The following LRRFIP1 variants were observed in gnomAD, a reference collection of about 807,000 sequenced individuals.
The protein encoded by LRRFIP1 is leucine-rich repeat flightless-interacting protein 1.
In LRRFIP1, 62 loss-of-function variants were observed where a neutral mutation model predicts 104.4. That is an observed-to-expected ratio of 0.59 (90% CI 0.48 to 0.73). The LOEUF (loss-of-function observed/expected upper bound fraction) is 0.73. Among genes scored for constraint, LRRFIP1 ranks in the 30% least tolerant of loss-of-function variants. LRRFIP1 has a pLI of 0.00. For synonymous variants in LRRFIP1, 300 were observed against 299.0 expected (o/e 1.00, Z -0.03); for missense variants, 796 against 824.5 (o/e 0.97, Z 0.42).
intron 1 of LRRFIP1, among the ~76,000 whole-genome samples, chr2:237,642,224 G>A (rs978506341): frequency 2.0e-5 from 3 of 152,220 alleles, no homozygotes; most frequent in Middle Eastern, 3.2e-3. Flanking sequence ...CAAGGACCGC[G>A]TGTGTGCAGT....
At chr2:237,651,015 G>A (rs966299657) in intron 1 of LRRFIP1, among the ~76,000 whole-genome samples, 1 of 152,194 alleles carries the variant, frequency 6.6e-6, no homozygotes, top group African/African-American at 2.4e-5. Context: ...GGGGAGTTCA[G>A]AGGCTTATTC....
chr2:237,650,513 C>A lies in LRRFIP1; in HGVS notation c.96+22773C>A, dbSNP rs1305006192. Among the ~76,000 whole-genome samples the A allele has an allele frequency of 2.0e-5, 3 of 148,778 alleles. No homozygotes were observed. The East Asian group carries it at 5.8e-4, about 29-fold the overall frequency. ...TGGAGGACAGCCCTGGATGGCCGGG[C>A]AGGTTACGCACTGCAGAAGCCCTGG... is the stretch of plus-strand genomic sequence containing the variant. On this transcript the variant is annotated intron_variant, in intron 1 of 23. Transcript: ENST00000308482.
At chr2:237,642,008 G>C (rs2084051567) in intron 1 of LRRFIP1, among the ~76,000 whole-genome samples, 1 of 152,154 alleles carries the variant, frequency 6.6e-6, no homozygotes, top group South Asian at 2.1e-4. Context: ...ACCCATGAGA[G>C]AATCTTTGGG....
In LRRFIP1 at chr2:237,682,522, T is replaced by C. The variant is rs117636468; in HGVS notation, c.97-26022T>C. On this transcript the variant is annotated intron_variant, in intron 1 of 23. Coordinates refer to ENST00000308482, the MANE Select transcript of LRRFIP1 (RefSeq NM_001137550.2). Reference sequence around the variant, plus strand: ...TTCTCTGTGTAGGGGTGCAGGGTTGTTTTCTCTCCCATCGGCTTACTCTTG... The same window carrying C: ...TTCTCTGTGTAGGGGTGCAGGGTTGCTTTCTCTCCCATCGGCTTACTCTTG... Among the ~76,000 whole-genome samples, 520 of 152,324 alleles carry C rather than the reference T, an allele frequency of 3.4e-3. 10 individuals are homozygous for C. In the East Asian group the frequency reaches 0.047, roughly 14 times the overall value.
At chr2:237,688,776 C>G (rs145329034) in intron 1 of LRRFIP1, among the ~76,000 whole-genome samples, 1 of 152,008 alleles carries the variant, frequency 6.6e-6, no homozygotes, top group Non-Finnish European at 1.5e-5. Flanking sequence ...CACCCTCTTC[C>G]GAGGAAACCC....
chr2:237,776,123 G>A (rs2061074406), intron 23 of LRRFIP1, among the ~76,000 whole-genome samples: 1 of 151,984 alleles, frequency 6.6e-6, no homozygotes, highest in Non-Finnish European at 1.5e-5. Flanking sequence ...ATCATGCCTG[G>A]CTAATTTTTG....
intron 1 of LRRFIP1, among the ~76,000 whole-genome samples, chr2:237,679,616 AT>A (rs887892529): frequency 4.0e-5 from 6 of 151,658 alleles, no homozygotes; most frequent in East Asian, 1.9e-4. Flanking sequence ...TACCGTAATG[AT>A]TTTTTTTTGA....
rs2093142492 is a variant in LRRFIP1, at chr2:237,695,809, AC to A, written c.97-12734del. Among the ~76,000 whole-genome samples, 2 of 152,108 alleles carry A rather than the reference AC, an allele frequency of 1.3e-5. 1 individual carries two copies. Among genetic ancestry groups the A allele is most frequent in the Admixed American group, 1.3e-4 (2 of 15,276 alleles). On this transcript the variant is annotated intron_variant, in intron 1 of 23. Transcript: ENST00000308482. The stretch of plus-strand genomic sequence containing the variant: ...GTTTTCATGGAATGGACTTACTAGA[AC>A]TTTTATTATTCAGACTACCTAGATA...
intron 1 of LRRFIP1, among the ~76,000 whole-genome samples, chr2:237,673,281 CG>C (rs1553631099): frequency 6.6e-6 from 1 of 152,198 alleles, no homozygotes; most frequent in Non-Finnish European, 1.5e-5. Flanking sequence ...TGGGACAATG[CG>C]GGGACAGCGC....
chr2:237,737,366 C>A (rs538383005), intron 10 of LRRFIP1, among the ~76,000 whole-genome samples: 2 of 152,198 alleles, frequency 1.3e-5, no homozygotes, highest in African/African-American at 2.4e-5. Flanking sequence ...ACGTGGCCAA[C>A]AAGAGATGGA....
intron 1 of LRRFIP1, among the ~76,000 whole-genome samples, chr2:237,677,631 C>G (rs1186981632): frequency 2.0e-5 from 3 of 152,122 alleles, no homozygotes; most frequent in Non-Finnish European, 4.4e-5. Context: ...AATCTCTACC[C>G]AAAAAACTAA....
intron 18 of LRRFIP1, 131 bp from the exon 19 acceptor site, chr2:237,759,933 A>G (rs542850233): frequency 5.3e-6 from 4 of 750,594 alleles, no homozygotes; most frequent in African/African-American, 1.8e-5. Context: ...GCACCCTAGC[A>G]TTTCTCTTGT....
At chr2:237,713,960 T>C (rs1233950915) in intron 2 of LRRFIP1, among the ~76,000 whole-genome samples, 1 of 152,234 alleles carries the variant, frequency 6.6e-6, no homozygotes, top group Non-Finnish European at 1.5e-5. Flanking sequence ...AAGGAAGTAC[T>C]TTTTCTCATT....
In LRRFIP1 at chr2:237,780,623, C is replaced by G. The variant is rs2061411904; in HGVS notation, c.*1091C>G. Among the ~76,000 whole-genome samples the G allele has an allele frequency of 6.6e-6, 1 of 152,148 alleles. No individual in the cohort carries two copies. Among genetic ancestry groups the G allele is most frequent in the African/African-American group, 2.4e-5 (1 of 41,430 alleles). ...AAGTATGGCTGGTGAAGCCAGTCAG[C>G]TTTTCGGGACGTTAGCAAGTGGAAA... On this transcript the variant is annotated 3_prime_UTR_variant, in exon 24 of 24. Coordinates refer to ENST00000308482, the MANE Select transcript of LRRFIP1 (RefSeq NM_001137550.2).
At chr2:237,662,853 G>A (rs947496151) in intron 1 of LRRFIP1, among the ~76,000 whole-genome samples, 1 of 152,092 alleles carries the variant, frequency 6.6e-6, no homozygotes, top group Non-Finnish European at 1.5e-5. Context: ...GCCCACCAGC[G>A]CTATGTCAAT....
intron 1 of LRRFIP1, among the ~76,000 whole-genome samples, chr2:237,704,341 A>G (rs190046368): frequency 5.8e-4 from 88 of 151,782 alleles, no homozygotes; most frequent in South Asian, 1.9e-3. Flanking sequence ...TTTAGTAGAG[A>G]CAGGGTTTCA....
At chr2:237,692,540 C>G (rs957114719) in intron 1 of LRRFIP1, 1 of 1,501,940 alleles carries the variant, frequency 6.7e-7, no homozygotes, top group Non-Finnish European at 8.9e-7. Context: ...AAAGCGCTTC[C>G]GAAACTTTCT....
intron 1 of LRRFIP1, among the ~76,000 whole-genome samples, chr2:237,655,102 C>CTTTTTT (rs1170742860): frequency 1.0e-4 from 6 of 58,244 alleles, no homozygotes; most frequent in African/African-American, 3.1e-4. Flanking sequence ...GATCTCACTT[C>CTTTTTT]TTTTTTTTTT....
Position 237,691,437 on chromosome 2 carries a change from G to GCCCGCA in LRRFIP1, c.97-17097_97-17092dup, listed in dbSNP as rs1340941901. Among the ~76,000 whole-genome samples the GCCCGCA allele has an allele frequency of 1.3e-5, 2 of 152,222 alleles. No homozygotes were observed. Among genetic ancestry groups the GCCCGCA allele is most frequent in the Admixed American group, 1.3e-4 (2 of 15,292 alleles). ...CTGCGACGCCAGATCGGCCCCAGCG[G>GCCCGCA]CCCGCACCCGCACCCTGCAAGCTCG... On this transcript the variant is annotated intron_variant, in intron 1 of 23. Transcript: ENST00000308482. This position sits in a 1 kb window ranked among gnomAD's most constrained non-coding sequence, Gnocchi z 5.4.
Sources: allele counts gnomAD v4.1 joint callset (sites outside exome capture counted in the v4.1 genomes callset), GRCh38; gene constraint gnomAD v4.1.1; non-coding constraint Gnocchi (gnomAD v3.1); transcripts MANE v1.5; gene names NCBI Gene and HGNC (gene_info 2026-07-23, HGNC 2026-07-21).